The following THADA variants were observed in gnomAD, a reference collection of about 807,000 sequenced individuals.
THADA encodes THADA armadillo repeat containing, also known as tRNA (32-2'-O)-methyltransferase regulator THADA.
A neutral mutation model predicts 219.8 loss-of-function variants in THADA; 213 were observed. The observed-to-expected ratio is 0.97, with a 90% CI of 0.87 to 1.09. The LOEUF (loss-of-function observed/expected upper bound fraction) is 1.09, where lower values mean the gene tolerates loss of function less well. Among genes scored for constraint, THADA ranks in the 50% least tolerant of loss-of-function variants. The pLI is 0.00. For synonymous variants in THADA, 1,018 were observed against 828.9 expected (o/e 1.23, Z -3.92); for missense variants, 2,956 against 2,311.3 (o/e 1.28, Z -5.72).
At chr2:43,591,864 G>C (rs959938528) in intron 3 of THADA, 88 bp downstream of exon 3, 3 of 840,326 alleles carry the variant, frequency 3.6e-6, no homozygotes, top group Non-Finnish European at 5.1e-6. Context: ...GCAATAATTA[G>C]GGACCAAAAA....
intron 29 of THADA, among the ~76,000 whole-genome samples, chr2:43,367,400 G>C (rs908218082): frequency 6.6e-6 from 1 of 152,088 alleles, no homozygotes; most frequent in Non-Finnish European, 1.5e-5. Context: ...CAATATTGTA[G>C]ACTGTATTCA....
chr2:43,442,543 G>A (rs1026674733), intron 26 of THADA, among the ~76,000 whole-genome samples: 18 of 152,200 alleles, frequency 1.2e-4, no homozygotes, highest in African/African-American at 4.3e-4. Context: ...AAGTACTTAA[G>A]CTGACTGGAT....
chr2:43,578,614 G>A lies in THADA; in HGVS notation c.722-7C>T. ...ACAGTCTGTAACAGATCATCTATTTGGCAAAAAAGGAGAGAAGCTTGTGTT... is the reference window on the plus strand; with the variant it reads ...ACAGTCTGTAACAGATCATCTATTTAGCAAAAAAGGAGAGAAGCTTGTGTT... On this transcript the variant is annotated splice_polypyrimidine_tract_variant and splice_region_variant and intron_variant, in intron 8 of 37. Transcript: ENST00000405975. The A allele has an allele frequency of 6.4e-7, 1 of 1,567,596 alleles. No homozygotes were observed. Among genetic ancestry groups the A allele is most frequent in the Non-Finnish European group, 8.7e-7 (1 of 1,152,978 alleles).
At chr2:43,283,055 G>A (rs192735826) in intron 35 of THADA, among the ~76,000 whole-genome samples, 8 of 152,318 alleles carry the variant, frequency 5.3e-5, no homozygotes, top group Non-Finnish European at 1.2e-4. Flanking sequence ...TCTCATGATA[G>A]TGAGTGAATT....
chr2:43,546,927 G>A (rs1696108306), intron 20 of THADA, among the ~76,000 whole-genome samples: 1 of 152,026 alleles, frequency 6.6e-6, no homozygotes, highest in African/African-American at 2.4e-5. Flanking sequence ...ATGTTAGCTG[G>A]TTATTTTGCT....
At chr2:43,385,831 C>T (rs868615977) in intron 29 of THADA, among the ~76,000 whole-genome samples, 2 of 150,548 alleles carry the variant, frequency 1.3e-5, no homozygotes, top group African/African-American at 4.9e-5. Context: ...GTAAACTCTT[C>T]GAAATCACAA....
At chr2:43,367,133 A>G (rs1670247174) in intron 29 of THADA, among the ~76,000 whole-genome samples, 1 of 152,196 alleles carries the variant, frequency 6.6e-6, no homozygotes, top group East Asian at 1.9e-4. Flanking sequence ...AAGTAGTCAA[A>G]CTCACAGACA....
chr2:43,399,553 A>G (rs1185352453), intron 28 of THADA, among the ~76,000 whole-genome samples: 1 of 152,198 alleles, frequency 6.6e-6, no homozygotes, highest in Admixed American at 6.5e-5. Flanking sequence ...AGGAAAAAGA[A>G]GTATGGGGTG....
intron 21 of THADA, among the ~76,000 whole-genome samples, chr2:43,537,795 G>A (rs1046849505): frequency 4.6e-5 from 6 of 130,438 alleles, no homozygotes; most frequent in South Asian, 5.1e-4. Flanking sequence ...GTGAGATCCC[G>A]TCTCTACAAA....
intron 36 of THADA, among the ~76,000 whole-genome samples, chr2:43,259,665 T>C (rs1441042750): frequency 6.6e-6 from 1 of 152,244 alleles, no homozygotes; most frequent in Non-Finnish European, 1.5e-5. Context: ...TGTGGGTTCA[T>C]ACTGATTTAC....
At chr2:43,552,453 A>AACT (rs2103885454) in intron 17 of THADA, 114 bp from the exon 18 acceptor site, 3 of 1,137,326 alleles carry the variant, frequency 2.6e-6, no homozygotes, top group Non-Finnish European at 2.4e-6. Context: ...TTTACACTAG[A>AACT]GTTTTTTAAT....
chr2:43,422,385 T>A (rs1261314951), intron 28 of THADA, among the ~76,000 whole-genome samples: 1 of 152,062 alleles, frequency 6.6e-6, no homozygotes, highest in East Asian at 1.9e-4. Context: ...CTTGGTCACC[T>A]CCCCTCGACA....
chr2:43,371,585 C>T (rs554832966), intron 29 of THADA, among the ~76,000 whole-genome samples: 11 of 152,166 alleles, frequency 7.2e-5, no homozygotes, highest in African/African-American at 2.4e-4. Context: ...AGAAAAAAAA[C>T]AAAACATGCA....
At chr2:43,487,966 C>T (rs867716275) in intron 25 of THADA, among the ~76,000 whole-genome samples, 7 of 152,268 alleles carry the variant, frequency 4.6e-5, no homozygotes, top group African/African-American at 1.4e-4. Flanking sequence ...AGCAAAATCA[C>T]GATATTCTAT....
chr2:43,545,658 C>T (rs1029319905), intron 20 of THADA, among the ~76,000 whole-genome samples: 38 of 152,204 alleles, frequency 2.5e-4, no homozygotes, highest in East Asian at 1.2e-3. Flanking sequence ...AGTTTATTTG[C>T]GTAGAAGTGT....
At chr2:43,330,216 AGAGCCTGCGGACTGGTGAG>A (rs1176461654) in intron 30 of THADA, among the ~76,000 whole-genome samples, 1 of 152,226 alleles carries the variant, frequency 6.6e-6, no homozygotes, top group African/African-American at 2.4e-5. Context: ...CCAGGAACGC[AGAGCCTGCGGACTGGTGAG>A]GACCCGTCTG....
intron 29 of THADA, among the ~76,000 whole-genome samples, chr2:43,368,468 C>T (rs1272659080): frequency 6.6e-6 from 1 of 152,126 alleles, no homozygotes; most frequent in African/African-American, 2.4e-5. Context: ...GTGATCATAG[C>T]TCACTGCAGC....
At position 43,398,063 on chromosome 2, in the gene THADA, T is replaced by C. The variant is rs1573456131; in HGVS notation, c.4135A>G (p.Ile1379Val). Residue 1379 changes from isoleucine to valine, a missense_variant, in exon 29 of 38, where the codon ATT becomes GTT. By Grantham distance (29) the Ile-to-Val change is conservative. Transcript: ENST00000405975. ...AACAGAGTTCGAATGGTATTAGGAA[T>C]GTGATCTATCATAACAAATGGGACC... The part of the protein sequence containing the change: ...ALVPFVMIDH[I>V]PNTIRTLLST... 2 of 1,613,998 alleles carry C rather than the reference T, an allele frequency of 1.2e-6. No individual in the cohort carries two copies. The highest frequency in any genetic ancestry group is 2.7e-5 in the African/African-American group (2 of 75,058).
At chr2:43,376,471 C>T (rs762454512) in intron 29 of THADA, among the ~76,000 whole-genome samples, 11 of 152,176 alleles carry the variant, frequency 7.2e-5, no homozygotes, top group African/African-American at 1.2e-4. Context: ...CCTCAGACAA[C>T]GATAAAGATC....
Sources: gnomAD v4.1 joint callset for allele counts (sites outside exome capture counted in the v4.1 genomes callset) on GRCh38, gnomAD v4.1.1 for gene constraint, MANE v1.5 for transcripts, NCBI Gene and HGNC (gene_info 2026-07-23, HGNC 2026-07-21) for gene names.